VTI1A: variants seen among roughly 807,000 people sequenced by gnomAD.
VTI1A encodes the protein vesicle transport through interaction with t-SNAREs 1A.
VTI1A carries 22 observed loss-of-function variants against 34.9 expected under a neutral mutation model. That is an observed-to-expected ratio of 0.63 (90% CI 0.45 to 0.90). The LOEUF (loss-of-function observed/expected upper bound fraction) is 0.90, where lower values mean the gene tolerates loss of function less well. Ranked by LOEUF, VTI1A falls within the 40% of genes least tolerant of loss-of-function variation. VTI1A has a pLI of 0.00. For synonymous variants in VTI1A, 87 were observed against 97.3 expected, an observed-to-expected ratio of 0.89 and a Z score of 0.62; for missense variants, 268 against 275.6, an observed-to-expected ratio of 0.97 and a Z score of 0.20.
intron 3 of VTI1A, among the ~76,000 whole-genome samples, chr10:112,491,376 T>C (rs890585673): frequency 2.3e-4 from 35 of 152,318 alleles, no homozygotes; most frequent in Admixed American, 3.9e-4. Flanking sequence ...CCAGTTACTT[T>C]CTCTCTCTGG....
chr10:112,814,395 T>C (rs1255651199), intron 7 of VTI1A, among the ~76,000 whole-genome samples: 1 of 152,166 alleles, frequency 6.6e-6, no homozygotes, highest in East Asian at 1.9e-4. Context: ...AGAGCGAGCG[T>C]GGGCACGGCT....
At chr10:112,728,427 A>G (rs1019484993) in intron 7 of VTI1A, among the ~76,000 whole-genome samples, 4 of 152,200 alleles carry the variant, frequency 2.6e-5, no homozygotes, top group Admixed American at 2.0e-4. Flanking sequence ...CTATCTAATA[A>G]AAAGGAAACA....
intron 2 of VTI1A, among the ~76,000 whole-genome samples, 168 bp downstream of exon 2, chr10:112,460,750 G>A (rs971222777): frequency 2.0e-5 from 3 of 152,046 alleles, no homozygotes; most frequent in Non-Finnish European, 4.4e-5. Context: ...AGCTTCTTGG[G>A]ATTTTATTCT....
chr10:112,479,904 A>T (rs998820631), intron 3 of VTI1A, among the ~76,000 whole-genome samples: 3 of 152,176 alleles, frequency 2.0e-5, no homozygotes, highest in African/African-American at 7.2e-5. Context: ...TTATCCAGTT[A>T]ATCTGTCTAT....
At chr10:112,478,064 A>G (rs1364840976) in intron 3 of VTI1A, among the ~76,000 whole-genome samples, 1 of 152,208 alleles carries the variant, frequency 6.6e-6, no homozygotes, top group Non-Finnish European at 1.5e-5. Flanking sequence ...AGTGCTAACC[A>G]TTTCATCTTT....
intron 7 of VTI1A, among the ~76,000 whole-genome samples, chr10:112,732,774 T>C (rs1051148777): frequency 2.0e-5 from 3 of 152,208 alleles, no homozygotes; most frequent in Admixed American, 6.5e-5. Flanking sequence ...TGATGACCAA[T>C]ATGAATGCCA....
chr10:112,475,162 C>T (rs1384628268), intron 3 of VTI1A, among the ~76,000 whole-genome samples: 4 of 152,238 alleles, frequency 2.6e-5, no homozygotes, highest in South Asian at 2.1e-4. Flanking sequence ...AATAGATTTT[C>T]TTCACTTTGG....
chr10:112,513,705 A>G (rs967521147), intron 3 of VTI1A, among the ~76,000 whole-genome samples: 11 of 134,516 alleles, frequency 8.2e-5, no homozygotes, highest in African/African-American at 2.8e-4. Context: ...GTTTAGGTAT[A>G]TTCCCTGTAT....
intron 5 of VTI1A, among the ~76,000 whole-genome samples, chr10:112,646,800 C>T (rs779462202): frequency 5.6e-4 from 85 of 152,058 alleles, no homozygotes; most frequent in Non-Finnish European, 9.1e-4. Flanking sequence ...TGTGAGCCAC[C>T]GCGCCCGGCT....
At chr10:112,710,945 A>G (rs901789047) in intron 7 of VTI1A, among the ~76,000 whole-genome samples, 5 of 152,190 alleles carry the variant, frequency 3.3e-5, no homozygotes, top group African/African-American at 9.7e-5. Flanking sequence ...AAATGTCACA[A>G]TTCAATGGGG....
intron 5 of VTI1A, among the ~76,000 whole-genome samples, chr10:112,551,010 A>C (rs776088408): frequency 1.3e-5 from 2 of 152,124 alleles, no homozygotes; most frequent in African/African-American, 4.8e-5. Context: ...TTGGGAGGCC[A>C]AGGCGGGCGG....
intron 5 of VTI1A, among the ~76,000 whole-genome samples, chr10:112,647,857 C>T (rs1181046638): frequency 6.6e-6 from 1 of 152,176 alleles, no homozygotes; most frequent in African/African-American, 2.4e-5. Context: ...GCAACCTTCG[C>T]CTCCCGGGCT....
At chr10:112,729,737 A>T (rs2133955186) in intron 7 of VTI1A, among the ~76,000 whole-genome samples, 1 of 152,304 alleles carries the variant, frequency 6.6e-6, no homozygotes, top group South Asian at 2.1e-4. Flanking sequence ...GATATGAAGC[A>T]ATTGAAATAC....
intron 5 of VTI1A, among the ~76,000 whole-genome samples, chr10:112,565,527 C>A (rs2134345078): frequency 6.6e-6 from 1 of 152,248 alleles, no homozygotes; most frequent in South Asian, 2.1e-4. Flanking sequence ...AAGCTAAATT[C>A]TTTCCTGTAT....
At chr10:112,837,979 G>A in the VTI1A span, among the ~76,000 whole-genome samples, 2 of 152,204 alleles carry the variant, frequency 1.3e-5, no homozygotes, top group Non-Finnish European at 2.9e-5. Flanking sequence ...GCCCTCTTAC[G>A]AGGCAGCAAC....
chr10:112,548,364 T>C (rs577198228), intron 5 of VTI1A, among the ~76,000 whole-genome samples: 1 of 152,252 alleles, frequency 6.6e-6, no homozygotes, highest in South Asian at 2.1e-4. Context: ...AGATTTTTGG[T>C]CAAGTTGTTT....
intron 7 of VTI1A, among the ~76,000 whole-genome samples, chr10:112,807,066 C>T (rs183340503): frequency 6.6e-4 from 101 of 152,342 alleles, no homozygotes; most frequent in Non-Finnish European, 9.8e-4. Flanking sequence ...GTGAGCCCCA[C>T]AGCTGCATGC....
chr10:112,828,927 T>G, the VTI1A span, among the ~76,000 whole-genome samples: 1 of 151,722 alleles, frequency 6.6e-6, no homozygotes, highest in Non-Finnish European at 1.5e-5. Flanking sequence ...AGGCAGCATT[T>G]GAACCACAAA....
At chr10:112,570,274 CTGCCTGAAGGT>C (rs1852069254) in intron 5 of VTI1A, among the ~76,000 whole-genome samples, 1 of 151,980 alleles carries the variant, frequency 6.6e-6, no homozygotes, top group Admixed American at 6.6e-5. Flanking sequence ...AAACTGATAG[CTGCCTGAAGGT>C]TGCATATTTA....
Sources: gnomAD v4.1 joint callset for allele counts (sites outside exome capture counted in the v4.1 genomes callset) on GRCh38, gnomAD v4.1.1 for gene constraint, MANE v1.5 for transcripts, NCBI Gene and HGNC (gene_info 2026-07-23, HGNC 2026-07-21) for gene names.